SENP7: variants seen among roughly 807,000 people sequenced by gnomAD.
The protein encoded by SENP7 is SUMO specific peptidase 7.
Under a neutral mutation model 141.2 loss-of-function variants are expected in SENP7, and 64 were observed. The ratio of observed to expected loss-of-function variants is 0.45; its 90% CI spans 0.37 to 0.56. SENP7 has a LOEUF of 0.56. SENP7 is among the 20% of genes least tolerant of loss of function. The pLI is 0.00. For synonymous variants in SENP7, 382 were observed against 426.4 expected, an observed-to-expected ratio of 0.90 and a Z score of 1.28; for missense variants, 1,025 against 1,212.2, an observed-to-expected ratio of 0.85 and a Z score of 2.29.
At chr3:101,369,982 A>G (rs1348466421) in intron 7 of SENP7, among the ~76,000 whole-genome samples, 1 of 152,136 alleles carries the variant, frequency 6.6e-6, no homozygotes, top group Non-Finnish European at 1.5e-5. Context: ...TGTGCTATGG[A>G]AAAAAATGGT....
chr3:101,475,839 A>T (rs572006633), intron 3 of SENP7, among the ~76,000 whole-genome samples: 6 of 152,352 alleles, frequency 3.9e-5, no homozygotes, highest in Admixed American at 3.3e-4. Flanking sequence ...CCAATACAGG[A>T]GCACTCAGAT....
At chr3:101,394,369 T>C (rs1345593933) in intron 6 of SENP7, among the ~76,000 whole-genome samples, 1 of 152,214 alleles carries the variant, frequency 6.6e-6, no homozygotes, top group Non-Finnish European at 1.5e-5. Context: ...GTTGATTCTG[T>C]ATCTTTGCTA....
intron 8 of SENP7, 28 bp from the exon 9 acceptor site, chr3:101,366,797 G>C (rs2060049379): frequency 6.8e-7 from 1 of 1,465,180 alleles, no homozygotes; most frequent in Middle Eastern, 1.9e-4. Context: ...GAAAAAAATA[G>C]CATTTTTCAA....
At chr3:101,462,316 C>G (rs989257461) in intron 3 of SENP7, among the ~76,000 whole-genome samples, 4 of 151,276 alleles carry the variant, frequency 2.6e-5, no homozygotes, top group African/African-American at 9.7e-5. Context: ...CTGAGGCTGG[C>G]AGATCACCTC....
chr3:101,438,839 G>GC (rs1288227894), intron 4 of SENP7, among the ~76,000 whole-genome samples: 6 of 152,002 alleles, frequency 3.9e-5, no homozygotes, highest in African/African-American at 1.4e-4. Context: ...GGCGAGCGCC[G>GC]CCCGGGAGGC....
intron 1 of SENP7, among the ~76,000 whole-genome samples, chr3:101,504,049 C>T (rs984912788): frequency 6.6e-6 from 1 of 151,994 alleles, no homozygotes; most frequent in African/African-American, 2.4e-5. Context: ...ATATAGACTA[C>T]CCAGAAATCT....
intron 4 of SENP7, among the ~76,000 whole-genome samples, chr3:101,422,058 G>A (rs1042802003): frequency 6.6e-6 from 1 of 152,182 alleles, no homozygotes; most frequent in African/African-American, 2.4e-5. Flanking sequence ...AACGGTGGGT[G>A]AGCGAGCATT....
At chr3:101,339,010 G>A (rs1232969809) in intron 16 of SENP7, among the ~76,000 whole-genome samples, 2 of 152,026 alleles carry the variant, frequency 1.3e-5, no homozygotes, top group Admixed American at 1.3e-4. Flanking sequence ...ATAATGAAGA[G>A]AAAAATCAGT....
intron 17 of SENP7, 73 bp from the exon 18 acceptor site, chr3:101,332,935 TA>T: frequency 7.2e-7 from 1 of 1,379,540 alleles, no homozygotes; most frequent in Non-Finnish European, 9.8e-7. Flanking sequence ...GAGCCATTTT[TA>T]TATATTGAAA....
chr3:101,386,204 C>G (rs2060646500), intron 6 of SENP7, among the ~76,000 whole-genome samples: 1 of 152,154 alleles, frequency 6.6e-6, no homozygotes, highest in Non-Finnish European at 1.5e-5. Context: ...GGGAATCTCT[C>G]AGGCACAGAA....
In SENP7 at chr3:101,337,623, A is replaced by G. The variant is rs371681014; in HGVS notation, c.2366T>C (p.Ile789Thr). The change falls in exon 17 of 24, where the codon ATA becomes ACA. Residue 789 changes from isoleucine (I) to threonine (T), a missense_variant. Ile to Thr is a moderately conservative substitution (Grantham distance 89). This residue lies in a region of SENP7 where 295 missense variants were observed against 459.1 expected (regional missense o/e 0.64). Transcript: ENST00000394095. ...AAGTTCATCTGATGCCTTCTCCAAT[A>G]TAAGATACCTGTAAAGTAGTAACCC... ...VIIDFYLKYL[I>T]LEKASDELVE... The G allele has an allele frequency of 6.3e-7, 1 of 1,598,424 alleles. No homozygotes were observed. Among genetic ancestry groups the G allele is most frequent in the African/African-American group, 1.4e-5 (1 of 73,872 alleles).
At chr3:101,417,266 T>C (rs553418035) in intron 5 of SENP7, among the ~76,000 whole-genome samples, 27 of 152,272 alleles carry the variant, frequency 1.8e-4, no homozygotes, top group Non-Finnish European at 3.8e-4. Flanking sequence ...ATAATACATA[T>C]ACACACACGT....
intron 5 of SENP7, among the ~76,000 whole-genome samples, chr3:101,401,045 C>G (rs1309958056): frequency 6.6e-6 from 1 of 151,038 alleles, no homozygotes; most frequent in East Asian, 1.9e-4. Flanking sequence ...CTGCAGAGAG[C>G]TAGGATTGCG....
intron 3 of SENP7, among the ~76,000 whole-genome samples, chr3:101,462,987 G>C (rs570896220): frequency 6.6e-6 from 1 of 152,204 alleles, no homozygotes. Context: ...GCTACAGATT[G>C]AAAGTATTTG....
In SENP7 at chr3:101,364,818, G is replaced by C. The variant is rs377071526; in HGVS notation, c.1476+16C>G. ...ACATTTCATTGTTAATCTATGAGAA[G>C]ACAGAAATAAATTACCTGTACAGAT... is the stretch of plus-strand genomic sequence containing the variant. On this transcript the variant is annotated intron_variant, in intron 10 of 23. Transcript: ENST00000394095. The C allele has an allele frequency of 6.4e-5, 97 of 1,517,752 alleles. No individual in the cohort carries two copies. The highest frequency in any genetic ancestry group is 8.3e-5 in the Non-Finnish European group (93 of 1,114,306). The allele number at this position is 1,517,752 out of a possible 1,614,324, so 94.0% of individuals were successfully genotyped here.
At chr3:101,458,885 C>T in intron 4 of SENP7, 70 bp downstream of exon 4, 1 of 914,810 alleles carries the variant, frequency 1.1e-6, no homozygotes, top group Non-Finnish European at 1.7e-6. Context: ...AACCAACAAG[C>T]TTAAATGAAT....
chr3:101,480,854 C>A (rs532763441), intron 3 of SENP7, among the ~76,000 whole-genome samples: 9 of 150,760 alleles, frequency 6.0e-5, no homozygotes, highest in South Asian at 2.1e-4. Context: ...TACAAATGGC[C>A]AACAGGTACA....
chr3:101,341,614 A>G (rs779009718), intron 15 of SENP7, 32 bp downstream of exon 15: 17 of 1,454,304 alleles, frequency 1.2e-5, no homozygotes, highest in Non-Finnish European at 1.5e-5. Flanking sequence ...TAATATGCCC[A>G]TCTACTACAA....
intron 4 of SENP7, among the ~76,000 whole-genome samples, chr3:101,447,446 A>T: frequency 6.6e-6 from 1 of 152,206 alleles, no homozygotes; most frequent in Non-Finnish European, 1.5e-5. Flanking sequence ...TGTCTCAAAA[A>T]AAATAAATAA....
Sources: gnomAD v4.1 joint callset for allele counts (sites outside exome capture counted in the v4.1 genomes callset) on GRCh38, gnomAD v4.1.1 for gene constraint, gnomAD v4.1.1 regional missense constraint, MANE v1.5 for transcripts, NCBI Gene and HGNC (gene_info 2026-07-23, HGNC 2026-07-21) for gene names.